Variants in CHCHD6 observed in about 807,000 individuals in gnomAD.
The protein encoded by CHCHD6 is coiled-coil-helix-coiled-coil-helix domain containing 6, also known as MICOS complex subunit MIC25.
A neutral mutation model predicts 32.3 loss-of-function variants in CHCHD6; 28 were observed. The ratio of observed to expected loss-of-function variants is 0.87; its 90% CI spans 0.64 to 1.19. The LOEUF (loss-of-function observed/expected upper bound fraction) is 1.19. Ranked by LOEUF, CHCHD6 falls within the 50% of genes most tolerant of loss-of-function variation. CHCHD6 has a pLI of 0.00. For synonymous variants in CHCHD6, 122 were observed against 117.5 expected, an observed-to-expected ratio of 1.04 and a Z score of -0.25; for missense variants, 333 against 307.0, an observed-to-expected ratio of 1.08 and a Z score of -0.63.
chr3:126,863,383 A>C, intron 5 of CHCHD6, among the ~76,000 whole-genome samples: 1 of 95,964 alleles, frequency 1.0e-5, no homozygotes, highest in Admixed American at 1.0e-4. Context: ...CTCCTCCTCT[A>C]CCATCACCAC....
intron 4 of CHCHD6, among the ~76,000 whole-genome samples, chr3:126,844,354 C>G (rs1361535517): frequency 6.6e-6 from 1 of 152,116 alleles, no homozygotes; most frequent in African/African-American, 2.4e-5. Context: ...TTATATTCCT[C>G]TTTAGTCTCA....
chr3:126,861,654 C>T (rs1253093148), intron 5 of CHCHD6, among the ~76,000 whole-genome samples: 1 of 150,538 alleles, frequency 6.6e-6, no homozygotes, highest in African/African-American at 2.5e-5. Context: ...TCACCACCTC[C>T]CCCTCCTCTA....
intron 5 of CHCHD6, among the ~76,000 whole-genome samples, chr3:126,859,007 G>A (rs1414621993): frequency 6.6e-6 from 1 of 152,240 alleles, no homozygotes; most frequent in Non-Finnish European, 1.5e-5. Context: ...TGTCTTGTTA[G>A]CGCCTGTGGC....
chr3:126,917,315 C>T lies in CHCHD6; in HGVS notation c.566+2565C>T, dbSNP rs1008753686. Among the ~76,000 whole-genome samples the T allele has an allele frequency of 3.3e-5, 5 of 152,332 alleles. No homozygotes were observed. The East Asian group carries it at 9.6e-4, about 29-fold the overall frequency. On this transcript the variant is annotated intron_variant, in intron 6 of 7. Coordinates refer to ENST00000290913, the MANE Select transcript of CHCHD6 (RefSeq NM_032343.3). ...TCGAATAACTCCTTTTGTCCGTGGT[C>T]ACAGCTGGTTCTGTGGCAGGGCTGG...
rs376033478 is a variant in CHCHD6 at position 126,728,298 on chromosome 3, A to G, written c.196+1112A>G. Reference sequence around the variant, plus strand: ...GTTATGTGTCATGTTGTGATGCAACACTGGAATCTGTACCAGGCTCACGGG... The same window carrying G: ...GTTATGTGTCATGTTGTGATGCAACGCTGGAATCTGTACCAGGCTCACGGG... On this transcript the variant is annotated intron_variant, in intron 2 of 7. Transcript: ENST00000290913. Among the ~76,000 whole-genome samples the G allele has an allele frequency of 7.5e-4, 114 of 152,308 alleles. 1 individual carries two copies. The Middle Eastern group carries it at 0.014, about 18-fold the overall frequency.
intron 5 of CHCHD6, among the ~76,000 whole-genome samples, chr3:126,868,211 A>G (rs1013937999): frequency 2.6e-5 from 4 of 152,348 alleles, no homozygotes; most frequent in African/African-American, 9.6e-5. Flanking sequence ...ACACCTGACA[A>G]ACATACAGCA....
At chr3:126,727,339 T>C (rs1324821603) in intron 2 of CHCHD6, among the ~76,000 whole-genome samples, 153 bp downstream of exon 2, 1 of 152,172 alleles carries the variant, frequency 6.6e-6, no homozygotes, top group Admixed American at 6.5e-5. Context: ...CGGAAGAGCA[T>C]GGCTTTCTGG....
Position 126,704,255 on chromosome 3 carries a change from C to T in CHCHD6, c.-58C>T, listed in dbSNP as rs979270249. On this transcript the variant is annotated 5_prime_UTR_variant, in exon 1 of 8. Transcript: ENST00000290913. ...CGAGTCCTGGAAAGCGTTGTTGGCC[C>T]GGTTGCTCTGGAGCCGGGTCTCGGG... The T allele has an allele frequency of 1.2e-5, 17 of 1,410,988 alleles. No individual in the cohort carries two copies. The highest frequency in any genetic ancestry group is 2.5e-4 in the Middle Eastern group (1 of 4,072). 87.4% of individuals were successfully genotyped at this position (1,410,988 alleles called of 1,614,324 possible).
At chr3:126,850,206 T>G (rs561680051) in intron 4 of CHCHD6, among the ~76,000 whole-genome samples, 1 of 152,388 alleles carries the variant, frequency 6.6e-6, no homozygotes, top group African/African-American at 2.4e-5. Context: ...ACCACCCTGG[T>G]GGCTCACTTG....
chr3:126,955,328 C>T (rs1307793515), intron 6 of CHCHD6, among the ~76,000 whole-genome samples: 3 of 152,264 alleles, frequency 2.0e-5, no homozygotes, highest in Non-Finnish European at 4.4e-5. Flanking sequence ...GACTGCACAC[C>T]AGGGGCTCAT....
At chr3:126,930,946 T>C (rs2078395085) in intron 6 of CHCHD6, among the ~76,000 whole-genome samples, 1 of 152,202 alleles carries the variant, frequency 6.6e-6, no homozygotes, top group South Asian at 2.1e-4. Context: ...GGAGCGCCCA[T>C]CTCTTCCTAT....
At chr3:126,919,317 C>CTTTTTTTTTTTTTTTTTTT (rs756862821) in intron 6 of CHCHD6, among the ~76,000 whole-genome samples, 5 of 68,128 alleles carry the variant, frequency 7.3e-5, no homozygotes, top group African/African-American at 9.3e-5. Context: ...TTTCTTTTTT[C>CTTTTTTTTTTTTTTTTTTT]TTTTTTTTTT....
intron 5 of CHCHD6, among the ~76,000 whole-genome samples, chr3:126,902,085 T>C (rs973126780): frequency 3.3e-5 from 5 of 152,234 alleles, no homozygotes; most frequent in Non-Finnish European, 7.3e-5. Context: ...CAGCTCAGGT[T>C]CCCTGACCTT....
chr3:126,795,700 A>C (rs1938759738), intron 4 of CHCHD6, among the ~76,000 whole-genome samples: 1 of 152,112 alleles, frequency 6.6e-6, no homozygotes, highest in Admixed American at 6.6e-5. Context: ...TATCCCTTGA[A>C]GGTTAAATAA....
chr3:126,938,350 C>T (rs1290844059), intron 6 of CHCHD6, among the ~76,000 whole-genome samples: 1 of 152,210 alleles, frequency 6.6e-6, no homozygotes, highest in Non-Finnish European at 1.5e-5. Flanking sequence ...AGTTACAGAA[C>T]CGCTCTTCAT....
chr3:126,750,318 G>A (rs1936676640), intron 4 of CHCHD6, among the ~76,000 whole-genome samples: 1 of 152,190 alleles, frequency 6.6e-6, no homozygotes, highest in Non-Finnish European at 1.5e-5. Context: ...TGACCTCAGG[G>A]CTTCCACTGA....
chr3:126,884,850 G>T (rs2077657805), intron 5 of CHCHD6, among the ~76,000 whole-genome samples: 1 of 152,162 alleles, frequency 6.6e-6, no homozygotes, highest in African/African-American at 2.4e-5. Flanking sequence ...TCAGATTATT[G>T]GAAAGTCACC....
intron 6 of CHCHD6, among the ~76,000 whole-genome samples, chr3:126,955,811 T>C (rs2078775476): frequency 6.6e-6 from 1 of 151,946 alleles, no homozygotes; most frequent in Admixed American, 6.6e-5. Context: ...GAGGGGAGCA[T>C]TGTCCCGCGT....
chr3:126,726,349 A>G (rs993242947), intron 1 of CHCHD6, among the ~76,000 whole-genome samples: 4 of 152,204 alleles, frequency 2.6e-5, no homozygotes, highest in African/African-American at 7.2e-5. Context: ...TACATGGACA[A>G]TGTTCTCAGT....
Sources: gnomAD v4.1 joint callset for allele counts (sites outside exome capture counted in the v4.1 genomes callset) on GRCh38, gnomAD v4.1.1 for gene constraint, MANE v1.5 for transcripts, NCBI Gene and HGNC (gene_info 2026-07-23, HGNC 2026-07-21) for gene names.